CFAP97D2: variants seen among roughly 807,000 people sequenced by gnomAD.
The protein encoded by CFAP97D2 is uncharacterized protein CFAP97D2.
Position 114,185,285 on chromosome 13 carries a change from T to C in CFAP97D2, c.90+5865T>C, listed in dbSNP as rs940300240. ...GGGAGCCCCCTGGAACCTGTCACCC[T>C]AAGAGCCGCTGTGATGGAGCCAGGC... On this transcript the variant is annotated intron_variant, in intron 1 of 4. Coordinates refer to ENST00000646158, the Ensembl canonical transcript of CFAP97D2. This position sits in a 1 kb window ranked among gnomAD's most constrained non-coding sequence, Gnocchi z 5.2. Among the ~76,000 whole-genome samples the C allele has an allele frequency of 6.6e-6, 1 of 152,120 alleles. No individual in the cohort carries two copies. Among genetic ancestry groups the C allele is most frequent in the African/African-American group, 2.4e-5 (1 of 41,430 alleles).
At chr13:114,182,134 G>A (rs1269245764) in intron 1 of CFAP97D2, among the ~76,000 whole-genome samples, 1 of 147,564 alleles carries the variant, frequency 6.8e-6, no homozygotes, top group Non-Finnish European at 1.5e-5. Flanking sequence ...AAAGTAGTAG[G>A]AGAGCAGGGT....
chr13:114,195,134 G>A (rs2080881178), intron 1 of CFAP97D2, among the ~76,000 whole-genome samples: 1 of 152,164 alleles, frequency 6.6e-6, no homozygotes, highest in African/African-American at 2.4e-5. Context: ...CATGCTGCAG[G>A]CCCAGGTCTC....
At position 114,185,536 on chromosome 13, in the gene CFAP97D2, G is replaced by A. The variant is rs779416803; in HGVS notation, c.90+6116G>A. Among the ~76,000 whole-genome samples the A allele has an allele frequency of 4.6e-5, 7 of 152,202 alleles. No individual in the cohort carries two copies. The highest frequency in any genetic ancestry group is 5.9e-5 in the Non-Finnish European group (4 of 68,022). On this transcript the variant is annotated intron_variant, in intron 1 of 4. Coordinates refer to ENST00000646158, the Ensembl canonical transcript of CFAP97D2. The surrounding 1 kb of genome is among the most constrained non-coding windows in gnomAD (Gnocchi z 5.2). ...GCTGCAGCCACCTGGCCATGGCTGC[G>A]GACCCAGGCATGTGTGTGGTTCTGC... is the stretch of plus-strand genomic sequence containing the variant.
At chr13:114,201,130 T>C (rs918770032) in intron 3 of CFAP97D2, among the ~76,000 whole-genome samples, 1 of 152,296 alleles carries the variant, frequency 6.6e-6, no homozygotes, top group Admixed American at 6.5e-5. Context: ...TATAAATGCT[T>C]GACTGTGAAT....
intron 3 of CFAP97D2, among the ~76,000 whole-genome samples, chr13:114,201,546 T>A (rs905424323): frequency 1.3e-5 from 2 of 152,176 alleles, no homozygotes; most frequent in Non-Finnish European, 2.9e-5. Flanking sequence ...GCCTCAGAGA[T>A]GATTTACTGT....
rs2080856016 is a variant in CFAP97D2, at chr13:114,187,435, A to G, written c.90+8015A>G. Among the ~76,000 whole-genome samples the G allele has an allele frequency of 6.6e-6, 1 of 152,216 alleles. No homozygotes were observed. The highest frequency in any genetic ancestry group is 2.4e-5 in the African/African-American group (1 of 41,454). ...TATAGCTTAAAAGTAAATGATTGAA[A>G]AAAATATACCATGTCAACACAAGTC... On this transcript the variant is annotated intron_variant, in intron 1 of 4. Coordinates refer to ENST00000646158, the Ensembl canonical transcript of CFAP97D2. The surrounding 1 kb of genome is among the most constrained non-coding windows in gnomAD (Gnocchi z 4.2).
chr13:114,188,776 C>CAAA (rs35375202), intron 1 of CFAP97D2, among the ~76,000 whole-genome samples: 3 of 65,396 alleles, frequency 4.6e-5, no homozygotes, highest in East Asian at 4.1e-4. Context: ...GACTCAATCT[C>CAAA]AAAAAAAAAA....
At chr13:114,182,181 A>C (rs374425492) in intron 1 of CFAP97D2, among the ~76,000 whole-genome samples, 4 of 121,416 alleles carry the variant, frequency 3.3e-5, no homozygotes, top group African/African-American at 8.5e-5. Flanking sequence ...ACGTGAGCAA[A>C]AGAGTCTATG....
intron 1 of CFAP97D2, among the ~76,000 whole-genome samples, chr13:114,182,319 C>T (rs1278442051): frequency 2.0e-5 from 3 of 152,170 alleles, no homozygotes; most frequent in East Asian, 1.9e-4. Context: ...ACATGTCTCG[C>T]CTCCCGCCAT....
At position 114,222,397 on chromosome 13, in the gene CFAP97D2, G is replaced by A; in HGVS notation, c.481-101G>A. On this transcript the variant is annotated intron_variant, in intron 4 of 4. Transcript: ENST00000646158. The surrounding 1 kb of genome is among the most constrained non-coding windows in gnomAD (Gnocchi z 4.4). ...AATTGTATGTTTAATTCTAAGTAAAGACTTGTCAATGAGTTGAAATATTCC... is the reference window on the plus strand; with the variant it reads ...AATTGTATGTTTAATTCTAAGTAAAAACTTGTCAATGAGTTGAAATATTCC... 2.5e-6 allele frequency: 1 copy of A among 397,770 alleles called. No individual in the cohort carries two copies. Among genetic ancestry groups the A allele is most frequent in the East Asian group, 3.6e-5 (1 of 28,050 alleles). The allele number at this position is 397,770 out of a possible 1,614,324, so 24.6% of individuals were successfully genotyped here. A position where few individuals can be genotyped will look rare whatever the true frequency, so the allele number is the denominator to read the frequency against.
rs1429728933 is a variant in CFAP97D2, at chr13:114,211,901, C to T, written c.291-11C>T. Reference sequence around the variant, plus strand: ...ATCCAAATTTCAAAATGTGTGTGCTCTTTCGTGGAGTCTGCACAGGGGGAA... The same window carrying T: ...ATCCAAATTTCAAAATGTGTGTGCTTTTTCGTGGAGTCTGCACAGGGGGAA... On this transcript the variant is annotated splice_polypyrimidine_tract_variant and intron_variant, in intron 3 of 4. Coordinates refer to ENST00000646158, the Ensembl canonical transcript of CFAP97D2. This position sits in a 1 kb window ranked among gnomAD's most constrained non-coding sequence, Gnocchi z 4.2. 4 of 398,610 alleles carry T rather than the reference C, an allele frequency of 1.0e-5. No individual in the cohort carries two copies. The East Asian group carries it at 1.4e-4, about 14-fold the overall frequency. 24.7% of individuals were successfully genotyped at this position (398,610 alleles called of 1,614,324 possible). A position where few individuals can be genotyped will look rare whatever the true frequency, so the allele number is the denominator to read the frequency against.
chr13:114,181,882 C>T (rs1273128779), intron 1 of CFAP97D2, among the ~76,000 whole-genome samples: 1 of 150,700 alleles, frequency 6.6e-6, no homozygotes, highest in Non-Finnish European at 1.5e-5. Flanking sequence ...CCCCAACGCA[C>T]CTGACCCCTC....
chr13:114,209,634 G>A (rs528688515), intron 3 of CFAP97D2, among the ~76,000 whole-genome samples: 6 of 152,214 alleles, frequency 3.9e-5, no homozygotes, highest in South Asian at 2.1e-4. Context: ...TTCTGTGCTC[G>A]TTCTGGCTCC....
intron 3 of CFAP97D2, among the ~76,000 whole-genome samples, chr13:114,208,420 A>G (rs993124185): frequency 6.6e-6 from 1 of 152,224 alleles, no homozygotes; most frequent in African/African-American, 2.4e-5. Flanking sequence ...GCAGCCAATT[A>G]TATTGAAGCA....
intron 4 of CFAP97D2, among the ~76,000 whole-genome samples, chr13:114,220,064 A>G (rs1018544185): frequency 6.6e-6 from 1 of 152,168 alleles, no homozygotes; most frequent in African/African-American, 2.4e-5. Context: ...TTTAGAAAGA[A>G]AAACAAAGTT....
Position 114,184,334 on chromosome 13 carries a change from A to C in CFAP97D2, c.90+4914A>C, listed in dbSNP as rs140254699. On this transcript the variant is annotated intron_variant, in intron 1 of 4. Coordinates refer to ENST00000646158, the Ensembl canonical transcript of CFAP97D2. Reference sequence around the variant, plus strand: ...AGAAGAAATATTTGAAGCAATAATGAATGAGAATTTCCACCACGTTAATGT... The same window carrying C: ...AGAAGAAATATTTGAAGCAATAATGCATGAGAATTTCCACCACGTTAATGT... Among the ~76,000 whole-genome samples the C allele has an allele frequency of 1.1e-4, 17 of 152,352 alleles. No homozygotes were observed. The East Asian group carries it at 2.9e-3, about 26-fold the overall frequency.
At chr13:114,222,523 C>T (rs564764214), downstream of CFAP97D2, 25 of 398,542 alleles carry the variant, frequency 6.3e-5, no homozygotes, top group African/African-American at 1.0e-4. The surrounding 1 kb of genome is among the most constrained non-coding windows in gnomAD (Gnocchi z 4.4). Flanking sequence ...GATTAGCAAG[C>T]GCACAGCCAA....
Position 114,207,014 on chromosome 13 carries a change from A to G in CFAP97D2, c.291-4898A>G, listed in dbSNP as rs2080943657. ...ATGCCAACAAAAAGGGACCCCTCCC[A>G]GACCCAGTGCAATTCCTGAGGGGAT... On this transcript the variant is annotated intron_variant, in intron 3 of 4. Transcript: ENST00000646158. This position sits in a 1 kb window ranked among gnomAD's most constrained non-coding sequence, Gnocchi z 4.9. Among the ~76,000 whole-genome samples the G allele has an allele frequency of 6.6e-6, 1 of 152,228 alleles. No individual in the cohort carries two copies. The highest frequency in any genetic ancestry group is 2.1e-4 in the South Asian group (1 of 4,836).
At chr13:114,193,238 A>C (rs1277240322) in intron 1 of CFAP97D2, among the ~76,000 whole-genome samples, 1 of 152,250 alleles carries the variant, frequency 6.6e-6, no homozygotes, top group Non-Finnish European at 1.5e-5. Flanking sequence ...TACTAAAAAC[A>C]AAAAATAAAT....
Sources: gnomAD v4.1 joint callset for allele counts (sites outside exome capture counted in the v4.1 genomes callset) on GRCh38, gnomAD v4.1.1 for gene constraint, Gnocchi (gnomAD v3.1) non-coding constraint, MANE v1.5 for transcripts, NCBI Gene and HGNC (gene_info 2026-07-23, HGNC 2026-07-21) for gene names.